Variants in RIMS2 observed in about 807,000 individuals in gnomAD.
RIMS2 encodes regulating synaptic membrane exocytosis 2.
Under a neutral mutation model 174.4 loss-of-function variants are expected in RIMS2, and 59 were observed. That is an observed-to-expected ratio of 0.34 (90% confidence interval 0.27 to 0.42). The LOEUF is 0.42. Ranked by LOEUF, RIMS2 falls within the 10% of genes least tolerant of loss-of-function variation. RIMS2 has a pLI of 1.00. For missense variants in RIMS2, 1,620 were observed against 1,666.3 expected (o/e 0.97, Z 0.48); for synonymous variants, 606 against 572.5 (o/e 1.06, Z -0.84).
intron 4 of RIMS2, among the ~76,000 whole-genome samples, chr8:103,898,146 C>A (rs2099301372): frequency 6.6e-6 from 1 of 151,664 alleles, no homozygotes. Context: ...GCCTCTGAAT[C>A]TTTGTAGGAT....
At chr8:103,851,781 A>G (rs1054702850) in intron 3 of RIMS2, among the ~76,000 whole-genome samples, 1 of 151,958 alleles carries the variant, frequency 6.6e-6, no homozygotes, top group East Asian at 1.9e-4. Flanking sequence ...GATAAGCAAA[A>G]TGGGACTTTA....
At chr8:104,214,516 C>T (rs919700253) in intron 19 of RIMS2, among the ~76,000 whole-genome samples, 2 of 152,020 alleles carry the variant, frequency 1.3e-5, no homozygotes, top group South Asian at 2.1e-4. Flanking sequence ...GGCATGATCT[C>T]GGTTCACTGC....
intron 2 of RIMS2, among the ~76,000 whole-genome samples, chr8:103,717,634 A>T (rs1269159217): frequency 6.6e-6 from 1 of 152,158 alleles, no homozygotes; most frequent in African/African-American, 2.4e-5. Context: ...TGATGATAAA[A>T]CTCAGCTTTA....
intron 3 of RIMS2, among the ~76,000 whole-genome samples, chr8:103,786,123 T>G (rs1169406861): frequency 1.3e-5 from 2 of 152,182 alleles, no homozygotes; most frequent in African/African-American, 4.8e-5. Flanking sequence ...GATATCCCCT[T>G]TATCATTTTT....
chr8:104,133,766 A>AT (rs1388816278), intron 19 of RIMS2, among the ~76,000 whole-genome samples: 2 of 152,148 alleles, frequency 1.3e-5, no homozygotes, highest in African/African-American at 4.8e-5. Context: ...TTAGTGATAG[A>AT]TTAGGTATGG....
At chr8:103,768,433 A>C (rs2098206072) in intron 3 of RIMS2, 1 of 762,918 alleles carries the variant, frequency 1.3e-6, no homozygotes, top group Non-Finnish European at 2.4e-6. Context: ...ATGTGGTCCT[A>C]ATCAGTGGTG....
chr8:103,978,947 A>G (rs556740801), intron 16 of RIMS2, among the ~76,000 whole-genome samples: 1 of 152,336 alleles, frequency 6.6e-6, no homozygotes, highest in South Asian at 2.1e-4. Flanking sequence ...TTAACAAAAC[A>G]TAACTTTACA....
chr8:103,881,282 G>A (rs1223047790), intron 3 of RIMS2, among the ~76,000 whole-genome samples: 1 of 151,448 alleles, frequency 6.6e-6, no homozygotes, highest in African/African-American at 2.4e-5. Flanking sequence ...AGGTTTCCAT[G>A]TAATTTTTCA....
chr8:103,948,648 A>C (rs1266741482), intron 14 of RIMS2, among the ~76,000 whole-genome samples: 4 of 152,178 alleles, frequency 2.6e-5, no homozygotes, highest in Non-Finnish European at 5.9e-5. Context: ...AGACAGATTA[A>C]GTTAGCAGTT....
intron 19 of RIMS2, among the ~76,000 whole-genome samples, chr8:104,145,672 A>AATAAAT (rs1400013702): frequency 8.4e-5 from 2 of 23,712 alleles, no homozygotes; most frequent in African/African-American, 6.0e-4. Context: ...CTAAAAATAC[A>AATAAAT]ATAAATAAAT....
intron 3 of RIMS2, among the ~76,000 whole-genome samples, chr8:103,787,245 T>C (rs1204026809): frequency 1.4e-4 from 21 of 151,450 alleles, no homozygotes; most frequent in Admixed American, 1.2e-3. Flanking sequence ...TCTGTGTCTT[T>C]TAATTGGAGC....
intron 3 of RIMS2, among the ~76,000 whole-genome samples, chr8:103,806,455 G>C (rs1021244878): frequency 6.6e-6 from 1 of 152,112 alleles, no homozygotes; most frequent in African/African-American, 2.4e-5. Context: ...ACAAGCTCTA[G>C]GTACTAGTTC....
intron 19 of RIMS2, among the ~76,000 whole-genome samples, chr8:104,227,595 A>G (rs1454529221): frequency 6.6e-6 from 1 of 152,194 alleles, no homozygotes; most frequent in Non-Finnish European, 1.5e-5. Flanking sequence ...ATAATGTAGG[A>G]AAATGGCACA....
intron 16 of RIMS2, chr8:103,976,556 T>C (rs12114906): frequency 0.2 from 29,244 of 146,856 alleles, 3,549 homozygotes; most frequent in South Asian, 0.36. Flanking sequence ...TTCTTTTTTT[T>C]TTTTTTTTTT....
intron 2 of RIMS2, among the ~76,000 whole-genome samples, chr8:103,719,261 T>A (rs1369843333): frequency 2.6e-5 from 4 of 152,220 alleles, no homozygotes; most frequent in Non-Finnish European, 5.9e-5. Context: ...AATCAGATAC[T>A]TTTCCCAATG....
At chr8:104,098,100 G>A (rs746516465) in intron 19 of RIMS2, among the ~76,000 whole-genome samples, 18 of 152,114 alleles carry the variant, frequency 1.2e-4, no homozygotes, top group Non-Finnish European at 2.1e-4. Context: ...GTCACATTTA[G>A]TAAGTCTACT....
At chr8:103,718,589 A>AAT (rs1475722320) in intron 2 of RIMS2, among the ~76,000 whole-genome samples, 5 of 152,168 alleles carry the variant, frequency 3.3e-5, no homozygotes, top group Non-Finnish European at 7.3e-5. Context: ...TTACATGTAA[A>AAT]ATATACATAT....
chr8:103,533,690 A>T (rs1281218436), intron 1 of RIMS2, among the ~76,000 whole-genome samples: 1 of 151,372 alleles, frequency 6.6e-6, no homozygotes, highest in Non-Finnish European at 1.5e-5. Context: ...AAAGAAAAAG[A>T]AAAAAACCTG....
At chr8:103,933,570 T>C (rs2080515211) in intron 12 of RIMS2, among the ~76,000 whole-genome samples, 1 of 152,218 alleles carries the variant, frequency 6.6e-6, no homozygotes, top group Non-Finnish European at 1.5e-5. Context: ...TTTTTATCTT[T>C]TGTCAACACC....
Sources: allele counts gnomAD v4.1 joint callset (sites outside exome capture counted in the v4.1 genomes callset), GRCh38; gene constraint gnomAD v4.1.1; transcripts MANE v1.5; gene names NCBI Gene and HGNC (gene_info 2026-07-23, HGNC 2026-07-21).